FHIT: variants seen among roughly 807,000 people sequenced by gnomAD.
The protein encoded by FHIT is fragile histidine triad diadenosine triphosphatase.
A neutral mutation model predicts 17.9 loss-of-function variants in FHIT; 19 were observed. The observed-to-expected ratio is 1.06, with a 90% CI of 0.74 to 1.56. FHIT has a LOEUF of 1.56. FHIT is among the 40% of genes most tolerant of loss of function. The probability of loss-of-function intolerance (pLI) is 0.00; values close to 1 mark genes in which losing one functional copy is unlikely to be tolerated. For missense variants in FHIT, 248 were observed against 189.2 expected (o/e 1.31, Z -1.82); for synonymous variants, 81 against 69.7 (o/e 1.16, Z -0.81).
intron 5 of FHIT, among the ~76,000 whole-genome samples, chr3:60,498,044 AGC>A (rs2034372926): frequency 1.3e-5 from 2 of 152,376 alleles, no homozygotes; most frequent in South Asian, 2.1e-4. Context: ...ACACAAAAAC[AGC>A]CATAGAGGAT....
chr3:60,034,633 G>A (rs566516351), intron 5 of FHIT, among the ~76,000 whole-genome samples: 2 of 152,180 alleles, frequency 1.3e-5, no homozygotes, highest in African/African-American at 4.8e-5. Context: ...TATATCATTT[G>A]GAAAGAAATA....
chr3:61,069,515 T>G (rs1176409292), intron 2 of FHIT, among the ~76,000 whole-genome samples: 1 of 152,196 alleles, frequency 6.6e-6, no homozygotes, highest in Non-Finnish European at 1.5e-5. Context: ...CTGAGTCTAT[T>G]AGCATATGTA....
At chr3:60,202,779 A>C (rs138039228) in intron 5 of FHIT, among the ~76,000 whole-genome samples, 30 of 152,272 alleles carry the variant, frequency 2.0e-4, no homozygotes, top group African/African-American at 6.5e-4. Flanking sequence ...AGGGGGTTTT[A>C]TGTATGCTCT....
chr3:60,214,817 C>T (rs9824900), intron 5 of FHIT, among the ~76,000 whole-genome samples: 37,357 of 151,916 alleles, frequency 0.25, 6,330 homozygotes, highest in African/African-American at 0.48. Context: ...ATATATACCA[C>T]AGAATACTAT....
chr3:60,401,616 T>G (rs191503970), intron 5 of FHIT, among the ~76,000 whole-genome samples: 1 of 152,248 alleles, frequency 6.6e-6, no homozygotes, highest in Admixed American at 6.5e-5. Flanking sequence ...TAGTCCCCGG[T>G]GCTTCCCCAC....
At position 61,204,280 on chromosome 3, in the gene FHIT, G is replaced by C. The variant is rs192209145; in HGVS notation, c.-212-3615C>G. ...GATGGAATACGTGAGAGGAATGGGGGGGCTTCTGGAATATGGTAATGATCT... is the reference window on the plus strand; with the variant it reads ...GATGGAATACGTGAGAGGAATGGGGCGGCTTCTGGAATATGGTAATGATCT... On this transcript the variant is annotated intron_variant, in intron 1 of 9. Transcript: ENST00000492590. Among the ~76,000 whole-genome samples the C allele has an allele frequency of 3.3e-5, 5 of 152,086 alleles. No individual in the cohort carries two copies. The East Asian group carries it at 9.6e-4, about 29-fold the overall frequency.
chr3:61,238,411 G>C (rs544459081), intron 1 of FHIT, among the ~76,000 whole-genome samples: 1 of 152,268 alleles, frequency 6.6e-6, no homozygotes, highest in South Asian at 2.1e-4. Context: ...CCTGCATAAG[G>C]ACCAGGTGCA....
intron 3 of FHIT, among the ~76,000 whole-genome samples, chr3:60,838,097 A>G (rs1278431325): frequency 6.6e-6 from 1 of 152,128 alleles, no homozygotes. Flanking sequence ...TTCCAATTAG[A>G]TAACTCTTTT....
chr3:60,960,461 T>G (rs901199545), intron 3 of FHIT, among the ~76,000 whole-genome samples: 4 of 152,234 alleles, frequency 2.6e-5, no homozygotes, highest in Non-Finnish European at 5.9e-5. Context: ...CTAGGGTACA[T>G]GTGCACAACG....
chr3:60,697,749 C>T (rs918629721), intron 4 of FHIT, among the ~76,000 whole-genome samples: 5 of 152,004 alleles, frequency 3.3e-5, no homozygotes, highest in South Asian at 2.1e-4. Flanking sequence ...TTGTGTCCAG[C>T]GGACTATAAA....
At chr3:61,004,565 A>G (rs2031316329) in intron 3 of FHIT, among the ~76,000 whole-genome samples, 1 of 152,238 alleles carries the variant, frequency 6.6e-6, no homozygotes, top group Non-Finnish European at 1.5e-5. Context: ...GGAAAGAGAA[A>G]GTCTGGTGGA....
In FHIT at chr3:60,367,490, C is replaced by T. The variant is rs115394090; in HGVS notation, c.103+169370G>A. Among the ~76,000 whole-genome samples, 628 of 152,226 alleles carry T rather than the reference C, an allele frequency of 4.1e-3. 7 individuals carry two copies. Among genetic ancestry groups the T allele is most frequent in the African/African-American group, 0.015 (605 of 41,546 alleles). On this transcript the variant is annotated intron_variant, in intron 5 of 9. Transcript: ENST00000492590. ...GTCTAAGAAAACTCTTACTCAAAAA[C>T]GAGGAAGTGGGAAAATCTCAAACTA...
intron 5 of FHIT, among the ~76,000 whole-genome samples, chr3:60,043,683 G>GATAGATAA (rs1380183349): frequency 2.6e-5 from 4 of 152,144 alleles, no homozygotes; most frequent in Non-Finnish European, 5.9e-5. Context: ...CAGATAGATA[G>GATAGATAA]ATAGATAAAA....
At chr3:60,336,298 C>G (rs1437309598) in intron 5 of FHIT, among the ~76,000 whole-genome samples, 1 of 152,140 alleles carries the variant, frequency 6.6e-6, no homozygotes, top group African/African-American at 2.4e-5. Flanking sequence ...AAGACCTGCA[C>G]AAAAACCCTG....
intron 5 of FHIT, among the ~76,000 whole-genome samples, chr3:60,321,632 T>G (rs1709437537): frequency 6.6e-6 from 1 of 152,160 alleles, no homozygotes. Flanking sequence ...AATCTGAGGA[T>G]CTCCTCTCTC....
chr3:59,987,558 G>T (rs899814838), intron 7 of FHIT, among the ~76,000 whole-genome samples: 1 of 151,994 alleles, frequency 6.6e-6, no homozygotes, highest in African/African-American at 2.4e-5. Flanking sequence ...TTAAGACACA[G>T]CATCACCCAG....
rs146362079 is a variant in FHIT, at chr3:61,060,911, C to T, written c.-163-18812G>A. On this transcript the variant is annotated intron_variant, in intron 2 of 9. Transcript: ENST00000492590. ...AGTCTTAGGATTGGAGGTCAAGTTA[C>T]CCTGGTTTCCTAAGCATTCTCTACC... is the stretch of plus-strand genomic sequence containing the variant. Among the ~76,000 whole-genome samples the T allele has an allele frequency of 1.7e-3, 266 of 152,282 alleles. 2 individuals carry two copies. The highest frequency in any genetic ancestry group is 6.2e-3 in the African/African-American group (256 of 41,552).
intron 1 of FHIT, among the ~76,000 whole-genome samples, chr3:61,234,419 C>CT (rs1474230769): frequency 6.6e-6 from 1 of 152,162 alleles, no homozygotes; most frequent in East Asian, 1.9e-4. Context: ...GTGGAATACT[C>CT]TGTAGACATT....
intron 5 of FHIT, among the ~76,000 whole-genome samples, chr3:60,105,599 G>C (rs556378109): frequency 2.7e-4 from 41 of 152,158 alleles, no homozygotes; most frequent in African/African-American, 9.6e-4. Context: ...CTCAGCTAAT[G>C]GTACCTATAA....
Sources: gnomAD v4.1 joint callset for allele counts (sites outside exome capture counted in the v4.1 genomes callset) on GRCh38, gnomAD v4.1.1 for gene constraint, MANE v1.5 for transcripts, NCBI Gene and HGNC (gene_info 2026-07-23, HGNC 2026-07-21) for gene names.